Variants in EMX1 observed in about 807,000 individuals in gnomAD.
The protein encoded by EMX1 is homeobox protein EMX1.
In EMX1, 10 loss-of-function variants were observed where a neutral mutation model predicts 20.1. The ratio of observed to expected loss-of-function variants is 0.50; its 90% CI spans 0.31 to 0.84. The LOEUF is 0.84. Ranked by LOEUF, EMX1 falls within the 40% of genes least tolerant of loss-of-function variation. The pLI, the probability that EMX1 is intolerant of heterozygous loss-of-function variation, is 0.05. For missense variants in EMX1, 424 were observed against 431.9 expected, an observed-to-expected ratio of 0.98 and a Z score of 0.16; for synonymous variants, 250 against 200.4, an observed-to-expected ratio of 1.25 and a Z score of -2.09.
intron 2 of EMX1, among the ~76,000 whole-genome samples, chr2:72,927,858 A>G (rs1671229172): frequency 6.6e-6 from 1 of 152,210 alleles, no homozygotes; most frequent in Non-Finnish European, 1.5e-5. Flanking sequence ...CACTAACTTT[A>G]TCAGTCATTC....
At chr2:72,917,295 C>T (rs1670981104), upstream of EMX1, among the ~76,000 whole-genome samples, 1 of 42 alleles carries the variant, frequency 0.024, no homozygotes. Flanking sequence ...TGGGTTGAGA[C>T]GGCGGCACGG....
In EMX1 at chr2:72,917,996, G is replaced by A. The variant is rs749648981; in HGVS notation, c.144G>A (p.Leu48=). The A allele has an allele frequency of 2.0e-6, 3 of 1,466,590 alleles. No individual in the cohort carries two copies. The South Asian group carries it at 3.9e-5, about 19-fold the overall frequency. The allele number at this position is 1,466,590 out of a possible 1,614,324, so 90.8% of individuals were successfully genotyped here. A position where few individuals can be genotyped will look rare whatever the true frequency, so the allele number is the denominator to read the frequency against. The part of the protein sequence containing the change: ...AAKRGFTIES[L]VAKDGGTGGG... Reference sequence around the variant, plus strand: ...AGCGCGGCTTTACCATAGAGTCCTTGGTGGCCAAGGACGGCGGCACCGGCG... The same window carrying A: ...AGCGCGGCTTTACCATAGAGTCCTTAGTGGCCAAGGACGGCGGCACCGGCG... Residue 48 remains leucine (L), a synonymous_variant, in exon 1 of 3, where the codon TTG becomes TTA. Coordinates refer to ENST00000258106, the MANE Select transcript of EMX1 (RefSeq NM_004097.3).
intron 2 of EMX1, among the ~76,000 whole-genome samples, chr2:72,929,329 C>T (rs1486074581): frequency 6.6e-6 from 1 of 152,068 alleles, no homozygotes; most frequent in African/African-American, 2.4e-5. Flanking sequence ...CTGAGAGAGA[C>T]AGAGGAAGGG....
At chr2:72,925,871 G>A in intron 2 of EMX1, 1 of 985,400 alleles carries the variant, frequency 1.0e-6, no homozygotes, top group East Asian at 1.1e-4. Flanking sequence ...GGCAGGACCC[G>A]TGCGTTTTCA....
Position 72,917,902 on chromosome 2 carries a change from G to A in EMX1, c.50G>A (p.Gly17Glu). 6.7e-7 allele frequency: 1 copy of A among 1,481,632 alleles called. No homozygotes were observed. Among genetic ancestry groups the A allele is most frequent in the Non-Finnish European group, 8.9e-7 (1 of 1,123,788 alleles). The allele number at this position is 1,481,632 out of a possible 1,614,324, so 91.8% of individuals were successfully genotyped here. Residue 17 changes from glycine to glutamate, a missense_variant, in exon 1 of 3, where the codon GGA becomes GAA. Gly to Glu is a moderately conservative substitution (Grantham distance 98). Coordinates refer to ENST00000258106, the MANE Select transcript of EMX1 (RefSeq NM_004097.3). ...CGCAAGGCGGCGGCGCCAGGACGCG[G>A]AGCGCTCCCCAGAGCCCGGCTGCCT... Reference protein sequence around the residue: ...TPRKAAAPGRGALPRARLPRT... With the variant: ...TPRKAAAPGREALPRARLPRT...
At position 72,934,127 on chromosome 2, in the gene EMX1, G is replaced by A. The variant is rs1174659953; in HGVS notation, c.*173G>A. The A allele has an allele frequency of 3.1e-6, 3 of 952,588 alleles. No individual in the cohort carries two copies. The East Asian group carries it at 8.2e-5, about 26-fold the overall frequency. The allele number at this position is 952,588 out of a possible 1,614,324, so 59.0% of individuals were successfully genotyped here. Reference sequence around the variant, plus strand: ...GCCATTGACAGAGGGACAAGCAATGGGCTGGCTGAGGCCTGGGACCACTTG... The same window carrying A: ...GCCATTGACAGAGGGACAAGCAATGAGCTGGCTGAGGCCTGGGACCACTTG... On this transcript the variant is annotated 3_prime_UTR_variant, in exon 3 of 3. Coordinates refer to ENST00000258106, the MANE Select transcript of EMX1 (RefSeq NM_004097.3).
At chr2:72,922,790 A>T (rs1671126262) in intron 1 of EMX1, among the ~76,000 whole-genome samples, 1 of 152,240 alleles carries the variant, frequency 6.6e-6, no homozygotes, top group Non-Finnish European at 1.5e-5. Flanking sequence ...CTTTTGATTC[A>T]CTTACATAGA....
chr2:72,916,600 G>T (rs553444203), upstream of EMX1: 51 of 660,608 alleles, frequency 7.7e-5, 2 homozygotes, highest in South Asian at 8.4e-4. Context: ...GTCGTCCGCG[G>T]TTCCGCGGTC....
At chr2:72,917,142 C>T (rs1280608949), upstream of EMX1, 28 of 613,518 alleles carry the variant, frequency 4.6e-5, no homozygotes, top group East Asian at 7.5e-4. Context: ...CCCCAAACAT[C>T]CACCCTCCGC....
chr2:72,921,587 C>T (rs1671105743), intron 1 of EMX1, among the ~76,000 whole-genome samples: 1 of 152,186 alleles, frequency 6.6e-6, no homozygotes, highest in Non-Finnish European at 1.5e-5. Context: ...TACTAAACAT[C>T]CTCTTTCTAA....
intron 2 of EMX1, among the ~76,000 whole-genome samples, chr2:72,929,419 C>T (rs1026451068): frequency 3.9e-5 from 6 of 152,218 alleles, no homozygotes; most frequent in Middle Eastern, 3.4e-3. Flanking sequence ...TGGAGGTGAC[C>T]TCAGCTTACT....
chr2:72,925,943 A>T (rs1412785883), intron 2 of EMX1: 1 of 985,332 alleles, frequency 1.0e-6, no homozygotes, highest in East Asian at 1.1e-4. Context: ...AGTTAATTTT[A>T]AAAACGTTTC....
In EMX1 at chr2:72,933,736, C is replaced by T. The variant is rs750424387; in HGVS notation, c.706-51C>T. ...CTGAGTGTTGAGGCCCCAGTGGCTG[C>T]TCTGGGGGCCTCCTGAGTTTCTCAT... On this transcript the variant is annotated intron_variant, in intron 2 of 2. Transcript: ENST00000258106. 3.1e-6 allele frequency: 5 copies of T among 1,600,998 alleles called. No individual in the cohort carries two copies. In the East Asian group the frequency reaches 1.1e-4, roughly 36 times the overall value.
At chr2:72,925,013 A>G (rs1671170829) in intron 2 of EMX1, among the ~76,000 whole-genome samples, 1 of 152,216 alleles carries the variant, frequency 6.6e-6, no homozygotes, top group South Asian at 2.1e-4. Context: ...GAGAAAGCCC[A>G]GGTGTCCTCA....
chr2:72,921,871 A>G (rs1316304789), intron 1 of EMX1, among the ~76,000 whole-genome samples: 1 of 152,248 alleles, frequency 6.6e-6, no homozygotes, highest in South Asian at 2.1e-4. Context: ...ATGTTGGTAC[A>G]GAAGCTTGTT....
At chr2:72,921,580 T>C (rs1482943477) in intron 1 of EMX1, among the ~76,000 whole-genome samples, 1 of 152,220 alleles carries the variant, frequency 6.6e-6, no homozygotes, top group African/African-American at 2.4e-5. Flanking sequence ...GGTGTTGTAC[T>C]AAACATCCTC....
chr2:72,918,820 G>GA (rs1222348036), intron 1 of EMX1, among the ~76,000 whole-genome samples: 2 of 152,212 alleles, frequency 1.3e-5, no homozygotes, highest in Non-Finnish European at 2.9e-5. Flanking sequence ...CCGGGCGGGG[G>GA]AAAGTCCATT....
At chr2:72,917,187 C>T (rs1458071673), upstream of EMX1, 1 of 606,642 alleles carries the variant, frequency 1.6e-6, no homozygotes, top group African/African-American at 1.9e-5. Context: ...GAAACGACAT[C>T]CCGGGACGAA....
chr2:72,932,211 C>T (rs1422355969), intron 2 of EMX1, among the ~76,000 whole-genome samples: 2 of 152,230 alleles, frequency 1.3e-5, no homozygotes, highest in African/African-American at 2.4e-5. Context: ...CACGCAGCAC[C>T]GTCTGCACAG....
Sources: gnomAD v4.1 joint callset for allele counts (sites outside exome capture counted in the v4.1 genomes callset) on GRCh38, gnomAD v4.1.1 for gene constraint, MANE v1.5 for transcripts, NCBI Gene and HGNC (gene_info 2026-07-23, HGNC 2026-07-21) for gene names.